Variants in RANBP2 observed in about 807,000 individuals in gnomAD.
RANBP2 encodes RAN binding protein 2.
RANBP2 carries 57 observed loss-of-function variants against 303.6 expected under a neutral mutation model. The observed-to-expected ratio is 0.19, with a 90% confidence interval of 0.15 to 0.23. The LOEUF (loss-of-function observed/expected upper bound fraction) is 0.23. Among genes scored for constraint, RANBP2 ranks in the 10% least tolerant of loss-of-function variants. The pLI is 1.00. For synonymous variants in RANBP2, 1,167 were observed against 1,301.5 expected (o/e 0.90, Z 2.23); for missense variants, 3,138 against 3,780.8 (o/e 0.83, Z 4.46).
At chr2:108,948,975 T>C in the RANBP2 span, among the ~76,000 whole-genome samples, 1 of 152,156 alleles carries the variant, frequency 6.6e-6, no homozygotes, top group East Asian at 1.9e-4. Context: ...AAAAATTAGT[T>C]AAAAACACAT....
the RANBP2 span, among the ~76,000 whole-genome samples, chr2:109,628,211 C>T: frequency 2.0e-5 from 3 of 152,134 alleles, no homozygotes; most frequent in South Asian, 6.2e-4. Flanking sequence ...AGATAGATTC[C>T]AGCTGTGTGC....
the RANBP2 span, among the ~76,000 whole-genome samples, chr2:109,566,676 A>G: frequency 6.6e-6 from 1 of 152,156 alleles, no homozygotes. Context: ...AGAGATCACT[A>G]GGAGCAGGAA....
chr2:109,717,188 A>G, the RANBP2 span, among the ~76,000 whole-genome samples: 1 of 151,834 alleles, frequency 6.6e-6, no homozygotes, highest in Admixed American at 6.6e-5. Context: ...GCAAGGCTGC[A>G]GGATAGAAGA....
chr2:109,430,674 C>T, the RANBP2 span, among the ~76,000 whole-genome samples: 4 of 152,152 alleles, frequency 2.6e-5, no homozygotes, highest in African/African-American at 9.6e-5. Context: ...GTGGTATTTC[C>T]TCTATGGTGA....
the RANBP2 span, among the ~76,000 whole-genome samples, chr2:109,734,232 T>G: frequency 6.7e-6 from 1 of 150,330 alleles, no homozygotes; most frequent in Non-Finnish European, 1.5e-5. Context: ...TTTCTATTTA[T>G]AGATGATATA....
the RANBP2 span, among the ~76,000 whole-genome samples, chr2:109,420,099 G>A: frequency 2.0e-5 from 3 of 152,368 alleles, no homozygotes; most frequent in African/African-American, 4.8e-5. Flanking sequence ...GCGCATGCCA[G>A]CTGCATCTCA....
At chr2:108,814,663 A>G in the RANBP2 span, among the ~76,000 whole-genome samples, 1 of 150,200 alleles carries the variant, frequency 6.7e-6, no homozygotes, top group Non-Finnish European at 1.5e-5. Flanking sequence ...TTAATTTATT[A>G]ATATTTTTAA....
chr2:109,075,579 C>CAAAAAAA, the RANBP2 span, among the ~76,000 whole-genome samples: 7 of 109,692 alleles, frequency 6.4e-5, no homozygotes, highest in African/African-American at 1.0e-4. Context: ...CTTAGACAAA[C>CAAAAAAA]AAAAAAAAAA....
In RANBP2 at chr2:108,734,110, A is replaced by G. The variant is rs924296519; in HGVS notation, c.406-1422A>G. Reference sequence around the variant, plus strand: ...ATAGGGAGAGGCCAGGGTTTCATCCATCTCATCCAGAAGAGGAGAAATTGA... The same window carrying G: ...ATAGGGAGAGGCCAGGGTTTCATCCGTCTCATCCAGAAGAGGAGAAATTGA... On this transcript the variant is annotated intron_variant, in intron 4 of 28. Transcript: ENST00000283195. 2.6e-5 allele frequency among the ~76,000 whole-genome samples: 4 copies of G among 152,030 alleles called. No homozygotes were observed. In the South Asian group the frequency reaches 6.2e-4, roughly 24 times the overall value.
intron 7 of RANBP2, 106 bp downstream of exon 7, chr2:108,740,787 G>A: frequency 6.8e-7 from 1 of 1,466,202 alleles, no homozygotes; most frequent in Non-Finnish European, 9.1e-7. Flanking sequence ...CAAACCTGTG[G>A]AATTAAAGTT....
chr2:109,280,990 T>C, the RANBP2 span, among the ~76,000 whole-genome samples: 1 of 152,202 alleles, frequency 6.6e-6, no homozygotes, highest in African/African-American at 2.4e-5. Flanking sequence ...CACACACAGA[T>C]CTGCAGACCT....
chr2:108,790,295 T>C (rs974732170), downstream of RANBP2, among the ~76,000 whole-genome samples: 8 of 152,334 alleles, frequency 5.3e-5, no homozygotes, highest in East Asian at 9.6e-4. Flanking sequence ...AATTATTTTC[T>C]TTTTAACTGA....
At chr2:109,210,846 A>G in the RANBP2 span, among the ~76,000 whole-genome samples, 1 of 152,212 alleles carries the variant, frequency 6.6e-6, no homozygotes, top group African/African-American at 2.4e-5. Context: ...TTAAAAATCT[A>G]TTTACAACCT....
downstream of RANBP2, chr2:108,786,944 G>A: frequency 6.9e-7 from 1 of 1,451,318 alleles, no homozygotes; most frequent in South Asian, 1.3e-5. Flanking sequence ...GTCCGCGGGT[G>A]GGCTCCTGCT....
At chr2:109,686,328 TC>T in the RANBP2 span, among the ~76,000 whole-genome samples, 1 of 152,176 alleles carries the variant, frequency 6.6e-6, no homozygotes, top group Non-Finnish European at 1.5e-5. Context: ...ACTTTTTTTT[TC>T]TTTGAGACGG....
At chr2:109,596,830 A>G in the RANBP2 span, among the ~76,000 whole-genome samples, 1 of 152,216 alleles carries the variant, frequency 6.6e-6, no homozygotes, top group Non-Finnish European at 1.5e-5. Flanking sequence ...AATGAGTCAC[A>G]TTAAAGTAAT....
At chr2:108,975,461 C>T in the RANBP2 span, among the ~76,000 whole-genome samples, 6 of 152,276 alleles carry the variant, frequency 3.9e-5, no homozygotes, top group South Asian at 2.1e-4. Context: ...GCAAGACCTG[C>T]GTCTACTTTA....
chr2:109,545,469 C>A, the RANBP2 span: 11 of 1,536,004 alleles, frequency 7.2e-6, no homozygotes, highest in Admixed American at 5.9e-5. Context: ...CCTTTCTCTG[C>A]GTCTTTACGT....
the RANBP2 span, among the ~76,000 whole-genome samples, chr2:109,647,765 CG>C: frequency 4.6e-5 from 7 of 152,182 alleles, no homozygotes; most frequent in Non-Finnish European, 1.0e-4. Flanking sequence ...CCACCCCGCC[CG>C]GCTCGGCTCT....
Sources: gnomAD v4.1 joint callset for allele counts (sites outside exome capture counted in the v4.1 genomes callset) on GRCh38, gnomAD v4.1.1 for gene constraint, MANE v1.5 for transcripts, NCBI Gene and HGNC (gene_info 2026-07-23, HGNC 2026-07-21) for gene names.